Variants in KLRG1 observed in about 807,000 individuals in gnomAD.
KLRG1 encodes killer cell lectin-like receptor subfamily G member 1.
A neutral mutation model predicts 21.8 loss-of-function variants in KLRG1; 16 were observed. The observed-to-expected ratio is 0.73, with a 90% CI of 0.50 to 1.11. The LOEUF (loss-of-function observed/expected upper bound fraction) is 1.11. Ranked by LOEUF, KLRG1 falls within the 50% of genes most tolerant of loss-of-function variation. KLRG1 has a pLI of 0.00. For synonymous variants in KLRG1, 69 were observed against 75.9 expected (o/e 0.91, Z 0.47); for missense variants, 173 against 218.3 (o/e 0.79, Z 1.31).
the KLRG1 span, among the ~76,000 whole-genome samples, chr12:9,038,196 G>C: frequency 6.6e-6 from 1 of 152,168 alleles, no homozygotes; most frequent in Admixed American, 6.5e-5. Flanking sequence ...AGGAGTTCAA[G>C]ATGGCAATAA....
the KLRG1 span, chr12:9,079,399 A>G: frequency 1.4e-6 from 2 of 1,467,950 alleles, no homozygotes; most frequent in Non-Finnish European, 1.9e-6. Flanking sequence ...GAAATTACTA[A>G]AAGTACCTTG....
chr12:9,018,924 T>C, the KLRG1 span, among the ~76,000 whole-genome samples: 6 of 151,942 alleles, frequency 3.9e-5, no homozygotes, highest in Non-Finnish European at 8.8e-5. Context: ...CAAAAATGAA[T>C]AAATAGGATA....
the KLRG1 span, among the ~76,000 whole-genome samples, chr12:9,143,734 C>T: frequency 5.3e-5 from 8 of 152,234 alleles, no homozygotes; most frequent in East Asian, 1.4e-3. Flanking sequence ...CACTGGGGCC[C>T]GGCCACGTTG....
At chr12:9,163,824 CT>C in the KLRG1 span, 2 of 1,599,146 alleles carry the variant, frequency 1.3e-6, no homozygotes, top group Non-Finnish European at 1.7e-6. Flanking sequence ...TGAGTATCCA[CT>C]TTGATAGTCC....
intron 1 of KLRG1, among the ~76,000 whole-genome samples, chr12:8,952,073 ATTTT>A (rs1320158116): frequency 6.6e-6 from 1 of 151,746 alleles, no homozygotes; most frequent in Non-Finnish European, 1.5e-5. Flanking sequence ...AATGAGCAGA[ATTTT>A]TTTTTGTTTG....
chr12:8,955,967 G>T (rs1946285335), intron 1 of KLRG1, among the ~76,000 whole-genome samples: 1 of 152,014 alleles, frequency 6.6e-6, no homozygotes, highest in South Asian at 2.1e-4. Flanking sequence ...GGACCAATCA[G>T]CACACACTCC....
chr12:9,180,540 G>A, the KLRG1 span, among the ~76,000 whole-genome samples: 1 of 152,160 alleles, frequency 6.6e-6, no homozygotes, highest in Non-Finnish European at 1.5e-5. Context: ...AGAAAAACAA[G>A]CAATGGGGAA....
At chr12:8,972,250 T>G (rs1946581863) in intron 1 of KLRG1, among the ~76,000 whole-genome samples, 1 of 152,150 alleles carries the variant, frequency 6.6e-6, no homozygotes, top group Non-Finnish European at 1.5e-5. Flanking sequence ...CTCCACCTCC[T>G]GGGTTCACAC....
the KLRG1 span, among the ~76,000 whole-genome samples, chr12:9,174,284 A>G: frequency 6.6e-6 from 1 of 152,206 alleles, no homozygotes; most frequent in Non-Finnish European, 1.5e-5. Context: ...ACATCCCTTT[A>G]TGTTAAAAAC....
At chr12:9,169,072 A>C in the KLRG1 span, 1 of 826,862 alleles carries the variant, frequency 1.2e-6, no homozygotes, top group Non-Finnish European at 1.9e-6. Flanking sequence ...CAGTATCCTT[A>C]TATTAATTCT....
At chr12:9,120,886 T>TGTGTGTGTGTGTGTGTGTG in the KLRG1 span, among the ~76,000 whole-genome samples, 2 of 147,962 alleles carry the variant, frequency 1.4e-5, no homozygotes, top group African/African-American at 5.0e-5. Flanking sequence ...TGTGTGTGTA[T>TGTGTGTGTGTGTGTGTGTG]TTTTTTTTTT....
chr12:9,011,836 G>C (rs1463879464), downstream of KLRG1, among the ~76,000 whole-genome samples: 10 of 152,134 alleles, frequency 6.6e-5, no homozygotes, highest in Non-Finnish European at 1.5e-4. Context: ...TGTGATTATG[G>C]GACTTTGCAG....
the KLRG1 span, among the ~76,000 whole-genome samples, chr12:9,186,531 A>C: frequency 6.6e-6 from 1 of 152,180 alleles, no homozygotes; most frequent in African/African-American, 2.4e-5. Flanking sequence ...AATGACACTG[A>C]TAGGCTCGAG....
chr12:8,972,374 G>A (rs1209314228), intron 1 of KLRG1, among the ~76,000 whole-genome samples: 3 of 152,116 alleles, frequency 2.0e-5, no homozygotes, highest in Non-Finnish European at 4.4e-5. Flanking sequence ...AGCCAGGATG[G>A]TCTCGATCTC....
At chr12:9,175,917 A>G in the KLRG1 span, among the ~76,000 whole-genome samples, 1 of 152,238 alleles carries the variant, frequency 6.6e-6, no homozygotes, top group African/African-American at 2.4e-5. Flanking sequence ...TCAAAGACCC[A>G]GAGGCAAAAA....
the KLRG1 span, among the ~76,000 whole-genome samples, chr12:9,173,484 T>A: frequency 2.0e-5 from 3 of 151,796 alleles, no homozygotes; most frequent in Non-Finnish European, 2.9e-5. Context: ...AAAGCTGAGC[T>A]GAAGGAGATA....
At chr12:9,094,368 T>G in the KLRG1 span, among the ~76,000 whole-genome samples, 1 of 145,490 alleles carries the variant, frequency 6.9e-6, no homozygotes, top group Non-Finnish European at 1.5e-5. Context: ...TATATATATA[T>G]ATATATACCT....
chr12:9,111,398 ACAGAGGAGTG>A, the KLRG1 span: 1 of 393,046 alleles, frequency 2.5e-6, no homozygotes, highest in Admixed American at 2.9e-5. Context: ...CTCATTTTAG[ACAGAGGAGTG>A]AAAGTAGAAG....
chr12:9,049,412 A>G, the KLRG1 span, among the ~76,000 whole-genome samples: 2 of 152,192 alleles, frequency 1.3e-5, no homozygotes, highest in Non-Finnish European at 2.9e-5. Context: ...CTGTCAGTCC[A>G]ATGGAGCTGG....
Sources: gnomAD v4.1 joint callset for allele counts (sites outside exome capture counted in the v4.1 genomes callset) on GRCh38, gnomAD v4.1.1 for gene constraint, MANE v1.5 for transcripts, NCBI Gene and HGNC (gene_info 2026-07-23, HGNC 2026-07-21) for gene names.